CDH7: variants seen among roughly 807,000 people sequenced by gnomAD.
CDH7 encodes the protein cadherin 7, also known as cadherin-7.
In CDH7, 25 loss-of-function variants were observed where a neutral mutation model predicts 71.8. The observed-to-expected ratio is 0.35, with a 90% CI of 0.25 to 0.49. CDH7 has a LOEUF of 0.49. Ranked by LOEUF, CDH7 falls within the 20% of genes least tolerant of loss-of-function variation. CDH7 has a pLI of 0.99. For synonymous variants in CDH7, 381 were observed against 363.8 expected, an observed-to-expected ratio of 1.05 and a Z score of -0.54; for missense variants, 862 against 974.6, an observed-to-expected ratio of 0.88 and a Z score of 1.54.
At chr18:65,813,946 C>A (rs987997720) in intron 3 of CDH7, among the ~76,000 whole-genome samples, 2 of 152,080 alleles carry the variant, frequency 1.3e-5, no homozygotes, top group East Asian at 3.9e-4. Flanking sequence ...AAATTAAAAA[C>A]AAAATCCCAA....
chr18:65,796,857 ACTT>A (rs1246596929), intron 2 of CDH7, among the ~76,000 whole-genome samples: 1 of 152,142 alleles, frequency 6.6e-6, no homozygotes, highest in Non-Finnish European at 1.5e-5. Context: ...AATCGAATAT[ACTT>A]CTATATTTGA....
In CDH7 at chr18:65,858,916, ATT is replaced by A; in HGVS notation, c.1373-7_1373-6del. The A allele has an allele frequency of 6.2e-7, 1 of 1,611,022 alleles. No homozygotes were observed. The highest frequency in any genetic ancestry group is 8.5e-7 in the Non-Finnish European group (1 of 1,177,510). ...AGAGTAAATGATAAGACACTGTCTT[ATT>A]TATTAGAGAATCCATCTCAAGTAGG... On this transcript the variant is annotated splice_region_variant and splice_polypyrimidine_tract_variant and intron_variant, in intron 8 of 11. Coordinates refer to ENST00000397968, the MANE Select transcript of CDH7 (RefSeq NM_004361.5).
intron 11 of CDH7, among the ~76,000 whole-genome samples, chr18:65,874,212 C>A (rs983839094): frequency 1.3e-5 from 2 of 152,072 alleles, no homozygotes; most frequent in Non-Finnish European, 2.9e-5. Flanking sequence ...ATGGATTAAA[C>A]TTAAGAAAGT....
At chr18:65,826,378 T>C (rs903179304) in intron 6 of CDH7, among the ~76,000 whole-genome samples, 1 of 151,230 alleles carries the variant, frequency 6.6e-6, no homozygotes, top group African/African-American at 2.4e-5. Flanking sequence ...ATTAGGACCC[T>C]GAAAATATAG....
At chr18:65,836,594 T>C (rs2143971540) in intron 6 of CDH7, among the ~76,000 whole-genome samples, 1 of 152,282 alleles carries the variant, frequency 6.6e-6, no homozygotes, top group South Asian at 2.1e-4. Flanking sequence ...TTTGGAGCAC[T>C]GGCACTTTCT....
rs1014022933 is a variant in CDH7 at position 65,885,217 on chromosome 18, T to C, written c.*4323T>C. On this transcript the variant is annotated 3_prime_UTR_variant, in exon 12 of 12. Coordinates refer to ENST00000397968, the MANE Select transcript of CDH7 (RefSeq NM_004361.5). The stretch of plus-strand genomic sequence containing the variant: ...GCCCTTAAGAAAAATGGGAGATGTT[T>C]AAGGCTGTGATTTGGCCGACATTGT... 1.3e-5 allele frequency: 2 copies of C among 151,942 alleles called. No homozygotes were observed. Among genetic ancestry groups the C allele is most frequent in the African/African-American group, 4.8e-5 (2 of 41,386 alleles). The allele number at this position is 151,942 out of a possible 1,614,324, so 9.4% of individuals were successfully genotyped here.
rs1225261264 is a variant in CDH7, at chr18:65,830,665, C to CT, written c.981+5835dup. Among the ~76,000 whole-genome samples, 23 of 90,074 alleles carry CT rather than the reference C, an allele frequency of 2.6e-4. No homozygotes were observed. The South Asian group carries it at 0.011, about 41-fold the overall frequency. The allele number at this position is 90,074 out of a possible 152,430, so 59.1% of individuals were successfully genotyped here. On this transcript the variant is annotated intron_variant, in intron 6 of 11. Coordinates refer to ENST00000397968, the MANE Select transcript of CDH7 (RefSeq NM_004361.5). The stretch of plus-strand genomic sequence containing the variant: ...CCTTCTTTCCTGTCTTTCTCTCTCT[C>CT]TCTTCCTTTCCTTTCCTTTCTTTTC...
At chr18:65,829,257 C>G (rs1912245810) in intron 6 of CDH7, among the ~76,000 whole-genome samples, 1 of 151,540 alleles carries the variant, frequency 6.6e-6, no homozygotes, top group Non-Finnish European at 1.5e-5. Context: ...GCAGCTGGGA[C>G]CACAGGCGCC....
At chr18:65,853,225 T>C (rs924940785) in intron 7 of CDH7, among the ~76,000 whole-genome samples, 12 of 152,336 alleles carry the variant, frequency 7.9e-5, no homozygotes, top group Admixed American at 5.2e-4. Flanking sequence ...GAAGTTGCAC[T>C]GTAGTTAGTG....
intron 2 of CDH7, among the ~76,000 whole-genome samples, chr18:65,773,282 T>A (rs1916598934): frequency 6.6e-6 from 1 of 152,194 alleles, no homozygotes; most frequent in Non-Finnish European, 1.5e-5. Flanking sequence ...TTTATCAAAT[T>A]ATATAAATGC....
intron 2 of CDH7, among the ~76,000 whole-genome samples, chr18:65,769,102 C>T (rs953479348): frequency 1.3e-5 from 2 of 152,156 alleles, no homozygotes; most frequent in Non-Finnish European, 2.9e-5. Context: ...AACTAACCAA[C>T]AGCTGTGGAG....
chr18:65,824,557 C>T, intron 5 of CDH7, 87 bp from the exon 6 acceptor site: 1 of 813,012 alleles, frequency 1.2e-6, no homozygotes. Flanking sequence ...AGAAGTTGTG[C>T]TACAATGATG....
At chr18:65,862,348 TTAAGA>T (rs1482029324) in intron 10 of CDH7, among the ~76,000 whole-genome samples, 1 of 152,194 alleles carries the variant, frequency 6.6e-6, no homozygotes, top group Non-Finnish European at 1.5e-5. Flanking sequence ...GGTGTCAAAT[TTAAGA>T]TAAGTAAAAG....
At chr18:65,806,907 C>T (rs1373200801) in intron 2 of CDH7, among the ~76,000 whole-genome samples, 1 of 152,118 alleles carries the variant, frequency 6.6e-6, no homozygotes, top group African/African-American at 2.4e-5. Context: ...CCTGTTTTAA[C>T]AATTCAAAGT....
chr18:65,756,712 G>T (rs1014993067), intron 1 of CDH7, among the ~76,000 whole-genome samples: 1 of 152,200 alleles, frequency 6.6e-6, no homozygotes, highest in Non-Finnish European at 1.5e-5. Context: ...ATATTGGACT[G>T]CAACAAACAC....
chr18:65,795,617 C>T (rs1361490269), intron 2 of CDH7, among the ~76,000 whole-genome samples: 2 of 152,048 alleles, frequency 1.3e-5, no homozygotes, highest in African/African-American at 4.8e-5. Flanking sequence ...ATTTGTGATA[C>T]TAATTGGATT....
chr18:65,798,951 A>G (rs979829401), intron 2 of CDH7, among the ~76,000 whole-genome samples: 4 of 152,048 alleles, frequency 2.6e-5, no homozygotes, highest in Non-Finnish European at 4.4e-5. Flanking sequence ...CACTTGCTTC[A>G]TGTGGTAAGT....
intron 4 of CDH7, among the ~76,000 whole-genome samples, chr18:65,819,307 C>G (rs903837610): frequency 6.6e-6 from 1 of 152,054 alleles, no homozygotes; most frequent in Non-Finnish European, 1.5e-5. Flanking sequence ...ATAAATTTGC[C>G]AAGAGACCAT....
At chr18:65,874,790 T>C (rs1031618977) in intron 11 of CDH7, among the ~76,000 whole-genome samples, 2 of 152,166 alleles carry the variant, frequency 1.3e-5, no homozygotes, top group African/African-American at 4.8e-5. Context: ...TATTTAGCAA[T>C]GGTACCATTT....
Sources: gnomAD v4.1 joint callset for allele counts (sites outside exome capture counted in the v4.1 genomes callset) on GRCh38, gnomAD v4.1.1 for gene constraint, MANE v1.5 for transcripts, NCBI Gene and HGNC (gene_info 2026-07-23, HGNC 2026-07-21) for gene names.